The following CNTNAP2 variants were observed in gnomAD, a reference collection of about 807,000 sequenced individuals.
CNTNAP2 encodes the protein contactin-associated protein-like 2.
CNTNAP2 carries 98 observed loss-of-function variants against 155.2 expected under a neutral mutation model. That is an observed-to-expected ratio of 0.63 (90% confidence interval 0.54 to 0.75). The LOEUF is 0.75. Among genes scored for constraint, CNTNAP2 ranks in the 30% least tolerant of loss-of-function variants. The pLI is 0.00. For synonymous variants in CNTNAP2, 651 were observed against 631.2 expected (o/e 1.03, Z -0.47); for missense variants, 1,727 against 1,688.1 (o/e 1.02, Z -0.40).
intron 3 of CNTNAP2, among the ~76,000 whole-genome samples, chr7:146,890,369 T>C (rs1251082334): frequency 3.9e-5 from 6 of 152,156 alleles, no homozygotes; most frequent in Admixed American, 3.3e-4. Context: ...GACCCACAGA[T>C]TTTTAAAAGT....
At chr7:148,127,198 G>A (rs750752583) in intron 16 of CNTNAP2, among the ~76,000 whole-genome samples, 8 of 152,038 alleles carry the variant, frequency 5.3e-5, no homozygotes, top group Non-Finnish European at 8.8e-5. Context: ...CCAGCTACTC[G>A]GGAGGCTGAG....
chr7:147,774,461 G>T (rs1315796691), intron 13 of CNTNAP2, among the ~76,000 whole-genome samples: 1 of 152,182 alleles, frequency 6.6e-6, no homozygotes. Context: ...GATGGAAATT[G>T]TTATGGACTG....
chr7:148,260,910 A>G (rs1796547659), intron 20 of CNTNAP2, among the ~76,000 whole-genome samples: 1 of 152,252 alleles, frequency 6.6e-6, no homozygotes, highest in African/African-American at 2.4e-5. Context: ...CAACAGGGTG[A>G]ACAAAAAGTA....
At chr7:147,564,544 C>T (rs1267756614) in intron 12 of CNTNAP2, among the ~76,000 whole-genome samples, 1 of 152,074 alleles carries the variant, frequency 6.6e-6, no homozygotes, top group Admixed American at 6.5e-5. Context: ...ATCAGGGCAT[C>T]GTGGCTTGGA....
intron 13 of CNTNAP2, among the ~76,000 whole-genome samples, chr7:147,683,674 A>G (rs986286756): frequency 4.6e-5 from 7 of 151,458 alleles, no homozygotes; most frequent in African/African-American, 1.5e-4. Context: ...CATATGGCAC[A>G]TGCATTATAA....
At chr7:148,172,915 A>G (rs1217873900) in intron 18 of CNTNAP2, among the ~76,000 whole-genome samples, 2 of 152,104 alleles carry the variant, frequency 1.3e-5, no homozygotes, top group Non-Finnish European at 2.9e-5. Flanking sequence ...TGCAGTTGCT[A>G]AGAGACTGGA....
intron 4 of CNTNAP2, among the ~76,000 whole-genome samples, chr7:147,093,227 C>T (rs1249495520): frequency 3.2e-5 from 4 of 123,662 alleles, no homozygotes; most frequent in South Asian, 2.4e-4. Context: ...GGCGAAAGAG[C>T]GAGACTCCAT....
chr7:148,204,627 T>C (rs1195602718), intron 18 of CNTNAP2, among the ~76,000 whole-genome samples: 1 of 152,238 alleles, frequency 6.6e-6, no homozygotes, highest in Non-Finnish European at 1.5e-5. Context: ...AAAATAAAAT[T>C]TTATTAATTC....
chr7:146,913,454 G>A (rs1796331155), intron 3 of CNTNAP2, among the ~76,000 whole-genome samples: 2 of 152,118 alleles, frequency 1.3e-5, no homozygotes, highest in African/African-American at 4.8e-5. Context: ...AATGATATTA[G>A]ACTGAGTGGT....
chr7:147,300,293 A>C lies in CNTNAP2; in HGVS notation c.1498+3A>C. The C allele has an allele frequency of 1.2e-6, 2 of 1,613,760 alleles. No individual in the cohort carries two copies. The highest frequency in any genetic ancestry group is 2.2e-5 in the South Asian group (2 of 91,078). On this transcript the variant is annotated splice_donor_region_variant and intron_variant, in intron 9 of 23. Transcript: ENST00000361727. Reference sequence around the variant, plus strand: ...TGGCGAGAAGTACTTTTTTGGAGGTAAGAATGCCATTCCTTTTTGGTTACT... The same window carrying C: ...TGGCGAGAAGTACTTTTTTGGAGGTCAGAATGCCATTCCTTTTTGGTTACT...
chr7:146,148,860 T>C (rs192177119), intron 1 of CNTNAP2, among the ~76,000 whole-genome samples: 1 of 152,238 alleles, frequency 6.6e-6, no homozygotes, highest in East Asian at 1.9e-4. Context: ...GCACTCAAAA[T>C]TGTGTCCATG....
intron 4 of CNTNAP2, among the ~76,000 whole-genome samples, chr7:147,048,960 C>G (rs1799418979): frequency 6.6e-6 from 1 of 152,184 alleles, no homozygotes; most frequent in Non-Finnish European, 1.5e-5. Flanking sequence ...ACCACACAGT[C>G]TTAGTCTGTT....
At chr7:148,312,992 G>A (rs1160100550) in intron 21 of CNTNAP2, among the ~76,000 whole-genome samples, 2 of 151,948 alleles carry the variant, frequency 1.3e-5, no homozygotes. Flanking sequence ...GAATAGTCAG[G>A]GAAGCAGATA....
intron 3 of CNTNAP2, among the ~76,000 whole-genome samples, chr7:146,929,790 A>C (rs1796705337): frequency 6.6e-6 from 1 of 152,258 alleles, no homozygotes; most frequent in African/African-American, 2.4e-5. Flanking sequence ...TACGTGAAGA[A>C]TGCAGAAGCC....
At chr7:148,300,950 G>A (rs1017799851) in intron 21 of CNTNAP2, among the ~76,000 whole-genome samples, 6 of 152,044 alleles carry the variant, frequency 3.9e-5, no homozygotes, top group Non-Finnish European at 1.5e-5. Context: ...TGGTGGTGAT[G>A]GTGCACAACA....
At chr7:146,333,048 A>T (rs1319056665) in intron 1 of CNTNAP2, among the ~76,000 whole-genome samples, 1 of 144,410 alleles carries the variant, frequency 6.9e-6, no homozygotes, top group East Asian at 2.1e-4. Context: ...GGCTCAAGTG[A>T]TTCTCCTGCC....
chr7:148,069,199 C>T (rs896838692), intron 15 of CNTNAP2, among the ~76,000 whole-genome samples: 25 of 152,178 alleles, frequency 1.6e-4, no homozygotes, highest in Non-Finnish European at 3.2e-4. Context: ...GCTACTCCTT[C>T]TCGGCTGGAA....
At chr7:148,337,549 G>A (rs1433495523) in intron 21 of CNTNAP2, among the ~76,000 whole-genome samples, 1 of 152,158 alleles carries the variant, frequency 6.6e-6, no homozygotes, top group Non-Finnish European at 1.5e-5. Flanking sequence ...AGAATCAGCA[G>A]GCATTTCCCT....
chr7:147,732,888 G>T (rs1356757465), intron 13 of CNTNAP2, among the ~76,000 whole-genome samples: 4 of 152,022 alleles, frequency 2.6e-5, no homozygotes, highest in African/African-American at 4.8e-5. Flanking sequence ...GTTGTTTGTT[G>T]TTTTCTTGTA....
Sources: allele counts gnomAD v4.1 joint callset (sites outside exome capture counted in the v4.1 genomes callset), GRCh38; gene constraint gnomAD v4.1.1; transcripts MANE v1.5; gene names NCBI Gene and HGNC (gene_info 2026-07-23, HGNC 2026-07-21).